The following SPAG17 variants were observed in gnomAD, a reference collection of about 807,000 sequenced individuals.
SPAG17 encodes sperm-associated antigen 17.
In SPAG17, 169 loss-of-function variants were observed where a neutral mutation model predicts 273.6. The observed-to-expected ratio is 0.62, with a 90% confidence interval of 0.55 to 0.70. The LOEUF is 0.70. SPAG17 is among the 30% of genes least tolerant of loss of function. The pLI, the probability that SPAG17 is intolerant of heterozygous loss-of-function variation, is 0.00. For missense variants in SPAG17, 2,557 were observed against 2,627.8 expected (o/e 0.97, Z 0.59); for synonymous variants, 825 against 873.2 (o/e 0.94, Z 0.97).
At position 117,965,881 on chromosome 1, in the gene SPAG17, G is replaced by A. The variant is rs1016321176; in HGVS notation, c.6532+728C>T. 3.3e-5 allele frequency: 5 copies of A among 152,166 alleles called. No individual in the cohort carries two copies. The East Asian group carries it at 9.6e-4, about 29-fold the overall frequency. The allele number at this position is 152,166 out of a possible 1,614,324, so 9.4% of individuals were successfully genotyped here. ...CTAATACTCAAGCTTTTGGCAAGTT[G>A]AACTCCCTGCCAATCATCCCAAACA... On this transcript the variant is annotated intron_variant, in intron 47 of 48. Coordinates refer to ENST00000336338, the MANE Select transcript of SPAG17 (RefSeq NM_206996.4).
chr1:117,996,580 A>G lies in SPAG17; in HGVS notation c.4922+18T>C. ...TGAACTCAGAATTAAAAGTAAAATTATAGTATTATTCTTTTACCTGGGGAC... is the reference window on the plus strand; with the variant it reads ...TGAACTCAGAATTAAAAGTAAAATTGTAGTATTATTCTTTTACCTGGGGAC... On this transcript the variant is annotated intron_variant, in intron 33 of 48. Transcript: ENST00000336338. 3.1e-6 allele frequency: 5 copies of G among 1,604,338 alleles called. No homozygotes were observed. Among genetic ancestry groups the G allele is most frequent in the Non-Finnish European group, 4.2e-6 (5 of 1,176,566 alleles).
intron 24 of SPAG17, among the ~76,000 whole-genome samples, chr1:118,036,453 G>A (rs185059080): frequency 4.6e-5 from 7 of 151,894 alleles, no homozygotes; most frequent in Admixed American, 4.6e-4. Flanking sequence ...GTATATACAT[G>A]TATACATACA....
In SPAG17 at chr1:118,093,287, T is replaced by C. The variant is rs1421708983; in HGVS notation, c.1042A>G (p.Ile348Val). 1 of 1,611,942 alleles carries C rather than the reference T, an allele frequency of 6.2e-7. No homozygotes were observed. The highest frequency in any genetic ancestry group is 1.7e-5 in the Admixed American group (1 of 59,644). ...LKLGTDIFEN[I>V]ACLMYDILDW... ...AGGATGTCATACATCAAGCAGGCAA[T>C]ATTTTCAAAAATATCAGTGCCCAAT... The change falls in exon 8 of 49, where the codon ATT becomes GTT. Residue 348 changes from isoleucine (I) to valine (V), a missense_variant. Transcript: ENST00000336338.
At chr1:118,040,583 G>A in intron 22 of SPAG17, 147 bp downstream of exon 22, 1 of 621,188 alleles carries the variant, frequency 1.6e-6, no homozygotes, top group South Asian at 2.0e-5. Flanking sequence ...AAAGTGTGAA[G>A]TCTGAAAATG....
At chr1:117,958,788 G>C in intron 48 of SPAG17, 4 of 414,600 alleles carry the variant, frequency 9.6e-6, no homozygotes, top group South Asian at 6.8e-5. Context: ...TTTTTTGCTC[G>C]AAACATTTCT....
chr1:118,106,476 T>A (rs1260483784), intron 4 of SPAG17, among the ~76,000 whole-genome samples: 2 of 152,154 alleles, frequency 1.3e-5, no homozygotes, highest in Admixed American at 6.6e-5. Context: ...TGAGTGCAGT[T>A]GGCCTGGAAG....
intron 15 of SPAG17, among the ~76,000 whole-genome samples, chr1:118,075,457 T>C (rs141351282): frequency 1.3e-3 from 200 of 152,390 alleles, no homozygotes; most frequent in African/African-American, 4.6e-3. Flanking sequence ...TTAACATAGA[T>C]CAACGAACAT....
intron 38 of SPAG17, among the ~76,000 whole-genome samples, chr1:117,990,070 G>A (rs1251424470): frequency 6.6e-6 from 1 of 152,116 alleles, no homozygotes; most frequent in Non-Finnish European, 1.5e-5. Flanking sequence ...ATAGGGACAC[G>A]GAGACATAGG....
Position 118,144,653 on chromosome 1 carries a change from G to A in SPAG17, c.315+5890C>T, listed in dbSNP as rs1039426266. On this transcript the variant is annotated intron_variant, in intron 3 of 48. Coordinates refer to ENST00000336338, the MANE Select transcript of SPAG17 (RefSeq NM_206996.4). Reference sequence around the variant, plus strand: ...GCTATTTTGATAGTGGTTTCTAAATGTGGAGTGCCGAGGCCCTGGTGTGGG... The same window carrying A: ...GCTATTTTGATAGTGGTTTCTAAATATGGAGTGCCGAGGCCCTGGTGTGGG... Among the ~76,000 whole-genome samples the A allele has an allele frequency of 2.6e-5, 4 of 152,184 alleles. No individual in the cohort carries two copies. In the South Asian group the frequency reaches 6.2e-4, roughly 24 times the overall value.
intron 20 of SPAG17, 143 bp from the exon 21 acceptor site, chr1:118,042,185 G>A (rs1649849624): frequency 6.1e-6 from 6 of 983,412 alleles, no homozygotes; most frequent in East Asian, 2.5e-5. Context: ...AAGCCTTGAC[G>A]TCATCCTTAA....
chr1:118,173,091 A>G (rs1283949706), intron 1 of SPAG17, among the ~76,000 whole-genome samples: 1 of 152,122 alleles, frequency 6.6e-6, no homozygotes, highest in African/African-American at 2.4e-5. Flanking sequence ...CATCAGCAAG[A>G]TGGCAGGCTA....
At chr1:118,034,937 T>C (rs1003780773) in intron 24 of SPAG17, among the ~76,000 whole-genome samples, 7 of 152,166 alleles carry the variant, frequency 4.6e-5, no homozygotes, top group African/African-American at 1.7e-4. Flanking sequence ...AAAGATTTGA[T>C]TGGGTTTCTT....
chr1:118,052,765 G>A (rs993556241), intron 20 of SPAG17, among the ~76,000 whole-genome samples: 4 of 151,942 alleles, frequency 2.6e-5, no homozygotes, highest in Non-Finnish European at 4.4e-5. Context: ...ACAAAAGTCT[G>A]TAGACCAATT....
At chr1:118,040,660 A>G in intron 22 of SPAG17, 70 bp downstream of exon 22, 1 of 1,028,448 alleles carries the variant, frequency 9.7e-7, no homozygotes, top group South Asian at 1.3e-5. Flanking sequence ...ACTCAGGAGT[A>G]GAGGGCCCCT....
At chr1:118,081,022 A>G (rs1570652475) in intron 15 of SPAG17, 79 bp downstream of exon 15, 3 of 1,140,574 alleles carry the variant, frequency 2.6e-6, no homozygotes, top group African/African-American at 1.5e-5. Flanking sequence ...ATGCATCTTA[A>G]ACATTTTTTG....
intron 40 of SPAG17, among the ~76,000 whole-genome samples, chr1:117,986,950 C>T (rs914455681): frequency 6.7e-6 from 1 of 148,702 alleles, no homozygotes; most frequent in Non-Finnish European, 1.5e-5. Context: ...GAAATACCCA[C>T]AGGAAAGGAG....
intron 18 of SPAG17, among the ~76,000 whole-genome samples, chr1:118,061,431 C>A (rs561315602): frequency 6.6e-6 from 1 of 152,250 alleles, no homozygotes; most frequent in Admixed American, 6.5e-5. Context: ...GTTAAATAAG[C>A]CAGTCACTGA....
Position 118,091,655 on chromosome 1 carries a change from C to A in SPAG17, c.1310G>T (p.Arg437Leu), listed in dbSNP as rs138071608. ...CAGGGGCACAGAAATGAATTCCTCT[C>A]GAATTGGATTCAGCAAATAATTGTA... ...RYYNYLLNPI[R>L]EEFISVPLIL... The change falls in exon 10 of 49, where the codon CGA becomes CTA. Residue 437 changes from arginine to leucine, a missense_variant. Physicochemically the swap from Arg to Leu is moderately radical, Grantham distance 102 (BLOSUM62 -2). Transcript: ENST00000336338. 2 of 1,612,896 alleles carry A rather than the reference C, an allele frequency of 1.2e-6. No homozygotes were observed. The highest frequency in any genetic ancestry group is 3.3e-5 in the Admixed American group (2 of 59,894).
intron 3 of SPAG17, among the ~76,000 whole-genome samples, chr1:118,135,405 GTGTGTA>G (rs1462067849): frequency 6.9e-5 from 10 of 145,048 alleles, no homozygotes; most frequent in African/African-American, 1.6e-4. Flanking sequence ...GTGTGTGTGT[GTGTGTA>G]TGTGTGTGTG....
Sources: allele counts gnomAD v4.1 joint callset (sites outside exome capture counted in the v4.1 genomes callset), GRCh38; gene constraint gnomAD v4.1.1; transcripts MANE v1.5; gene names NCBI Gene and HGNC (gene_info 2026-07-23, HGNC 2026-07-21).